Variants in TKT observed in about 807,000 individuals in gnomAD.
TKT encodes the protein epididymis luminal protein 107.
In TKT, 47 loss-of-function variants were observed where a neutral mutation model predicts 63.9. That is an observed-to-expected ratio of 0.74 (90% CI 0.58 to 0.94). The LOEUF (loss-of-function observed/expected upper bound fraction) is 0.94. Ranked by LOEUF, TKT falls within the 40% of genes least tolerant of loss-of-function variation. The probability of loss-of-function intolerance (pLI) is 0.00; values close to 1 mark genes in which losing one functional copy is unlikely to be tolerated. For synonymous variants in TKT, 338 were observed against 334.1 expected (o/e 1.01, Z -0.13); for missense variants, 721 against 846.2 (o/e 0.85, Z 1.84).
chr3:53,249,571 C>A (rs1407188904), intron 1 of TKT, among the ~76,000 whole-genome samples: 1 of 151,888 alleles, frequency 6.6e-6, no homozygotes, highest in East Asian at 2.0e-4. Context: ...GGTGACAGAG[C>A]GAGACTCTGT....
At chr3:53,226,121 G>C in intron 13 of TKT, 190 bp from the exon 14 acceptor site, 1 of 526,994 alleles carries the variant, frequency 1.9e-6, no homozygotes, top group Non-Finnish European at 3.2e-6. Flanking sequence ...GTATCACCAT[G>C]TTGCCCAGGC....
In TKT at chr3:53,229,621, C is replaced by T. The variant is rs539848358; in HGVS notation, c.1108-185G>A. 3.9e-5 allele frequency among the ~76,000 whole-genome samples: 6 copies of T among 152,270 alleles called. No homozygotes were observed. The East Asian group carries it at 5.8e-4, about 15-fold the overall frequency. ...GTCCTCCCAACCCCTCCCTGGGGTCCGAGGGCAGCAGCCTCATGCCTGCTG... is the reference window on the plus strand; with the variant it reads ...GTCCTCCCAACCCCTCCCTGGGGTCTGAGGGCAGCAGCCTCATGCCTGCTG... On this transcript the variant is annotated intron_variant, in intron 8 of 13. Transcript: ENST00000462138.
At chr3:53,249,937 C>T (rs566353232) in intron 1 of TKT, among the ~76,000 whole-genome samples, 1 of 152,204 alleles carries the variant, frequency 6.6e-6, no homozygotes, top group Non-Finnish European at 1.5e-5. Context: ...AAGCCTGCCA[C>T]AAGAGACAAT....
At chr3:53,226,389 G>C (rs1443359232) in intron 13 of TKT, 1 of 292,106 alleles carries the variant, frequency 3.4e-6, no homozygotes, top group African/African-American at 2.2e-5. Flanking sequence ...TGTGTACTTA[G>C]GGAGCCTGCT....
chr3:53,240,790 G>A (rs1245623667), intron 3 of TKT, among the ~76,000 whole-genome samples: 7 of 152,146 alleles, frequency 4.6e-5, no homozygotes, highest in Non-Finnish European at 8.8e-5. Context: ...CCAGGGTTTC[G>A]CCAGCATCCT....
chr3:53,254,369 A>G (rs946791561), intron 1 of TKT, among the ~76,000 whole-genome samples: 9 of 152,200 alleles, frequency 5.9e-5, no homozygotes, highest in African/African-American at 2.2e-4. Flanking sequence ...GACTGACACA[A>G]ACCCAGGAGA....
chr3:53,240,807 A>G (rs1553679637), intron 3 of TKT, among the ~76,000 whole-genome samples: 1 of 151,948 alleles, frequency 6.6e-6, no homozygotes, highest in Non-Finnish European at 1.5e-5. Flanking sequence ...TCCTGCAGCC[A>G]CTCCCTTATC....
intron 1 of TKT, among the ~76,000 whole-genome samples, chr3:53,247,734 C>G (rs9879195): frequency 0.21 from 31,282 of 151,466 alleles, 3,659 homozygotes; most frequent in Middle Eastern, 0.35. Flanking sequence ...GTGCCCTGAA[C>G]TACCCGAGCT....
intron 1 of TKT, among the ~76,000 whole-genome samples, chr3:53,250,373 G>A (rs1299350127): frequency 2.6e-5 from 4 of 152,172 alleles, no homozygotes; most frequent in African/African-American, 9.7e-5. Context: ...GGCACAAAGA[G>A]CACCAGGATG....
intron 4 of TKT, 146 bp from the exon 5 acceptor site, chr3:53,235,320 G>T (rs2062752300): frequency 4.4e-6 from 3 of 682,960 alleles, no homozygotes; most frequent in African/African-American, 1.8e-5. Flanking sequence ...CACTCGAGGG[G>T]CAACAGTGTC....
chr3:53,226,063 G>T, intron 13 of TKT, 132 bp from the exon 14 acceptor site: 1 of 762,572 alleles, frequency 1.3e-6, no homozygotes, highest in Non-Finnish European at 2.0e-6. Flanking sequence ...GTAGCCATGA[G>T]CCCATCACAT....
At chr3:53,236,347 A>G (rs1390934194) in intron 4 of TKT, among the ~76,000 whole-genome samples, 1 of 152,178 alleles carries the variant, frequency 6.6e-6, no homozygotes, top group African/African-American at 2.4e-5. Flanking sequence ...AGCTGTCAGC[A>G]TGACTCAGCA....
At chr3:53,235,415 GGTT>G in intron 4 of TKT, 2 of 430,654 alleles carry the variant, frequency 4.6e-6, no homozygotes, top group East Asian at 3.7e-5. Context: ...AAGAAGTACT[GGTT>G]GTTAAGAAAC....
intron 1 of TKT, 25 bp downstream of exon 1, chr3:53,255,811 T>G: frequency 6.9e-7 from 1 of 1,439,242 alleles, no homozygotes; most frequent in Non-Finnish European, 9.2e-7. Context: ...CCGAGCCGCG[T>G]CCCCGGCCGG....
At chr3:53,230,379 C>T in intron 8 of TKT, 78 bp downstream of exon 8, 1 of 1,586,332 alleles carries the variant, frequency 6.3e-7, no homozygotes, top group South Asian at 1.1e-5. Flanking sequence ...CTGGCTCTGC[C>T]AACATGGCTG....
In TKT at chr3:53,233,293, G is replaced by C. The variant is rs373097417; in HGVS notation, c.630-19C>G. On this transcript the variant is annotated intron_variant, in intron 5 of 13. Coordinates refer to ENST00000462138, the MANE Select transcript of TKT (RefSeq NM_001064.4). ...ATGCCAACTGGGGACAGGGGGCAGA[G>C]AGTAAGGGGCAATTCCCAGGGGCCA... 3 of 1,594,854 alleles carry C rather than the reference G, an allele frequency of 1.9e-6. No individual in the cohort carries two copies. Among genetic ancestry groups the C allele is most frequent in the Non-Finnish European group, 2.6e-6 (3 of 1,168,188 alleles).
In TKT at chr3:53,255,993, C is replaced by T. The variant is rs17030930; in HGVS notation, c.-51G>A. ...ACACGCGGACACACAGAGATAGCGG[C>T]TGCTCCCGCGGCGACAGGCGGCTGC... On this transcript the variant is annotated 5_prime_UTR_variant, in exon 1 of 14. Coordinates refer to ENST00000462138, the MANE Select transcript of TKT (RefSeq NM_001064.4). 82 of 1,308,640 alleles carry T rather than the reference C, an allele frequency of 6.3e-5. No individual in the cohort carries two copies. In the Middle Eastern group the frequency reaches 1.3e-3, roughly 20 times the overall value. 81.1% of individuals were successfully genotyped at this position (1,308,640 alleles called of 1,614,324 possible).
chr3:53,228,360 C>G lies in TKT; in HGVS notation c.1396-1G>C. 1.2e-6 allele frequency: 2 copies of G among 1,614,006 alleles called. No homozygotes were observed. Among genetic ancestry groups the G allele is most frequent in the Non-Finnish European group, 1.7e-6 (2 of 1,180,006 alleles). On this transcript the variant is annotated splice_acceptor_variant, in intron 10 of 13. Transcript: ENST00000462138. LOFTEE classifies it high-confidence loss of function. ...GGCTGGTCCGGATGAAGCAGATACC[C>G]TGAGACCGAAACAGATAAACTGAGG...
intron 4 of TKT, among the ~76,000 whole-genome samples, chr3:53,236,346 C>T (rs1705032315): frequency 6.6e-6 from 1 of 152,236 alleles, no homozygotes; most frequent in Non-Finnish European, 1.5e-5. Flanking sequence ...GAGCTGTCAG[C>T]ATGACTCAGC....
Sources: gnomAD v4.1 joint callset for allele counts (sites outside exome capture counted in the v4.1 genomes callset) on GRCh38, gnomAD v4.1.1 for gene constraint, MANE v1.5 for transcripts, NCBI Gene and HGNC (gene_info 2026-07-23, HGNC 2026-07-21) for gene names.